Variants in VPS33B observed in about 807,000 individuals in gnomAD.
VPS33B encodes the protein VPS33B late endosome and lysosome associated.
Under a neutral mutation model 95.3 loss-of-function variants are expected in VPS33B, and 80 were observed. The ratio of observed to expected loss-of-function variants is 0.84; its 90% CI spans 0.70 to 1.01. The LOEUF (loss-of-function observed/expected upper bound fraction) is 1.01, where lower values mean the gene tolerates loss of function less well. Ranked by LOEUF, VPS33B falls within the 50% of genes least tolerant of loss-of-function variation. The probability of loss-of-function intolerance (pLI) is 0.00; values close to 1 mark genes in which losing one functional copy is unlikely to be tolerated. For missense variants in VPS33B, 715 were observed against 773.4 expected, an observed-to-expected ratio of 0.92 and a Z score of 0.90; for synonymous variants, 280 against 280.4, an observed-to-expected ratio of 1.00 and a Z score of 0.01.
chr15:91,010,896 G>A lies in VPS33B; in HGVS notation c.358-1050C>T, dbSNP rs1474864812. ...GACAACGGAGACCTGAGGGAGACTA[G>A]ATGAAACGATGAAGGTGGAGATGAG... On this transcript the variant is annotated intron_variant, in intron 5 of 22. Coordinates refer to ENST00000333371, the MANE Select transcript of VPS33B (RefSeq NM_018668.5). The surrounding 1 kb of genome is among the most constrained non-coding windows in gnomAD (Gnocchi z 5.7). 1.3e-5 allele frequency among the ~76,000 whole-genome samples: 2 copies of A among 152,200 alleles called. No homozygotes were observed. The highest frequency in any genetic ancestry group is 2.9e-5 in the Non-Finnish European group (2 of 68,044).
At chr15:91,019,103 GCTCCTGGCCTGTTTT>G (rs2041029288) in intron 1 of VPS33B, among the ~76,000 whole-genome samples, 1 of 133,962 alleles carries the variant, frequency 7.5e-6, no homozygotes, top group East Asian at 2.3e-4. Context: ...GTGAGCCACT[GCTCCTGGCCTGTTTT>G]TTTTTTTTTT....
chr15:91,017,558 G>A (rs2040977849), intron 2 of VPS33B, among the ~76,000 whole-genome samples: 1 of 151,648 alleles, frequency 6.6e-6, no homozygotes, highest in Admixed American at 6.6e-5. Flanking sequence ...AGGAGGTCAA[G>A]GCTGCAGTGA....
intron 2 of VPS33B, among the ~76,000 whole-genome samples, chr15:91,017,255 G>A (rs1442244150): frequency 6.7e-6 from 1 of 149,954 alleles, no homozygotes; most frequent in Non-Finnish European, 1.5e-5. Context: ...AGGTGTGGTG[G>A]CTCATGCCTG....
intron 3 of VPS33B, among the ~76,000 whole-genome samples, chr15:91,016,131 T>C (rs888469049): frequency 2.6e-5 from 4 of 151,954 alleles, no homozygotes; most frequent in Non-Finnish European, 5.9e-5. Flanking sequence ...CTCTGAAGGA[T>C]GGACATTCTT....
rs1310046813 is a variant in VPS33B at position 91,022,254 on chromosome 15, G to A, written c.-5C>T. 2.6e-6 allele frequency: 4 copies of A among 1,554,882 alleles called. No individual in the cohort carries two copies. The East Asian group carries it at 9.5e-5, about 37-fold the overall frequency. On this transcript the variant is annotated 5_prime_UTR_variant, in exon 1 of 23. Coordinates refer to ENST00000333371, the MANE Select transcript of VPS33B (RefSeq NM_018668.5). ...CGGCCGATGGGGAAAAGCCATGGCA[G>A]CGGTCACCTGCGCCGCGGGGTGGAA...
In VPS33B at chr15:91,017,061, G is replaced by C. The variant is rs776943496; in HGVS notation, c.178-37C>G. 1.9e-6 allele frequency: 3 copies of C among 1,606,270 alleles called. No individual in the cohort carries two copies. In the South Asian group the frequency reaches 3.3e-5, roughly 18 times the overall value. On this transcript the variant is annotated intron_variant, in intron 2 of 22. Transcript: ENST00000333371. ...ATCCAATAAGACAATGGACATAAGA[G>C]TGCCTGAAAAGCACAAAGTGTGACA...
In VPS33B at chr15:91,001,449, A is replaced by G; in HGVS notation, c.1419T>C (p.Asp473=). Residue 473 remains aspartate (D), a synonymous_variant, in exon 19 of 23, where the codon GAT becomes GAC. Transcript: ENST00000333371. Reference sequence around the variant, plus strand: ...TCCTCTTGGCCAGAGAACTGAAGGCATCAGTAATCTTTCCTGGGGAAGAAA... The same window carrying G: ...TCCTCTTGGCCAGAGAACTGAAGGCGTCAGTAATCTTTCCTGGGGAAGAAA... ...VTDKAAGKIT[D]AFSSLAKRSN... is the part of the protein sequence containing the mutation. The G allele has an allele frequency of 6.2e-7, 1 of 1,614,044 alleles. No individual in the cohort carries two copies.
chr15:91,006,902 C>T lies in VPS33B; in HGVS notation c.700+48G>A, dbSNP rs139136678. 1.2e-4 allele frequency: 191 copies of T among 1,611,682 alleles called. No homozygotes were observed. Among genetic ancestry groups the T allele is most frequent in the African/African-American group, 7.3e-4 (55 of 75,002 alleles). On this transcript the variant is annotated intron_variant, in intron 9 of 22. Transcript: ENST00000333371. This position sits in a 1 kb window ranked among gnomAD's most constrained non-coding sequence, Gnocchi z 5.4. ...TTTGCCACCACGCCTTCCATATTCCCGTGTCTTCTAGGGCTGAAAGATGAC... is the reference window on the plus strand; with the variant it reads ...TTTGCCACCACGCCTTCCATATTCCTGTGTCTTCTAGGGCTGAAAGATGAC...
At chr15:91,016,631 G>T (rs1035532307) in intron 3 of VPS33B, among the ~76,000 whole-genome samples, 2 of 152,032 alleles carry the variant, frequency 1.3e-5, no homozygotes, top group African/African-American at 4.8e-5. Context: ...AGATCCGCCC[G>T]CCTCGGCCTC....
At chr15:91,004,400 A>T (rs2040537652) in intron 16 of VPS33B, among the ~76,000 whole-genome samples, 1 of 151,984 alleles carries the variant, frequency 6.6e-6, no homozygotes, top group Non-Finnish European at 1.5e-5. Context: ...GCTACTCAGG[A>T]GGCTGAGGCA....
chr15:91,020,140 T>C (rs2041061871), intron 1 of VPS33B, among the ~76,000 whole-genome samples: 1 of 152,144 alleles, frequency 6.6e-6, no homozygotes, highest in East Asian at 1.9e-4. Flanking sequence ...AAATTAACAG[T>C]GTTAGTAGTG....
rs540640719 is a variant in VPS33B at position 91,018,013 on chromosome 15, G to A, written c.97-128C>T. On this transcript the variant is annotated intron_variant, in intron 1 of 22. Coordinates refer to ENST00000333371, the MANE Select transcript of VPS33B (RefSeq NM_018668.5). This position sits in a 1 kb window ranked among gnomAD's most constrained non-coding sequence, Gnocchi z 4.7. The stretch of plus-strand genomic sequence containing the variant: ...GAGGGCACTAAGTATCGTCTAGCCC[G>A]TCACCTTATTTATTATCTGTATCCA... The A allele has an allele frequency of 6.0e-5, 48 of 801,212 alleles. No individual in the cohort carries two copies. The highest frequency in any genetic ancestry group is 2.2e-4 in the African/African-American group (13 of 59,594). The allele number at this position is 801,212 out of a possible 1,614,324, so 49.6% of individuals were successfully genotyped here.
At chr15:91,017,951 C>T (rs2040991273) in intron 1 of VPS33B, 66 bp from the exon 2 acceptor site, 1 of 1,462,190 alleles carries the variant, frequency 6.8e-7, no homozygotes, top group South Asian at 1.1e-5. Context: ...GAGAAGTGGC[C>T]CAGCCACCCA....
Position 91,013,846 on chromosome 15 carries a change from A to G in VPS33B, c.315T>C (p.Ala105=). The change falls in exon 5 of 23, where the codon GCT becomes GCC. Residue 105 remains alanine (A), a synonymous_variant. Transcript: ENST00000333371. This position sits in a 1 kb window ranked among gnomAD's most constrained non-coding sequence, Gnocchi z 4.5. ...TCACTTTGTATTTGCGAGTTCGGCC[A>G]GCCAATTTGTCAGCATTGACAAGAC... is the stretch of plus-strand genomic sequence containing the variant. The part of the protein sequence containing the change: ...IASLVNADKL[A]GRTRKYKVIF... The G allele has an allele frequency of 6.2e-7, 1 of 1,614,164 alleles. No individual in the cohort carries two copies. The highest frequency in any genetic ancestry group is 8.5e-7 in the Non-Finnish European group (1 of 1,180,036).
At chr15:91,008,031 C>A in intron 6 of VPS33B, 67 bp from the exon 7 acceptor site, 4 of 1,477,310 alleles carry the variant, frequency 2.7e-6, no homozygotes, top group Non-Finnish European at 3.8e-6. Flanking sequence ...AGGGAAGGTC[C>A]GCCACAAATA....
rs1218276127 is a variant in VPS33B, at chr15:91,000,738, C to T, written c.1480-147G>A. 7 of 697,144 alleles carry T rather than the reference C, an allele frequency of 1.0e-5. No individual in the cohort carries two copies. The highest frequency in any genetic ancestry group is 6.1e-5 in the South Asian group (4 of 65,518). The allele number at this position is 697,144 out of a possible 1,614,324, so 43.2% of individuals were successfully genotyped here. On this transcript the variant is annotated intron_variant, in intron 19 of 22. Coordinates refer to ENST00000333371, the MANE Select transcript of VPS33B (RefSeq NM_018668.5). This position sits in a 1 kb window ranked among gnomAD's most constrained non-coding sequence, Gnocchi z 4.9. Reference sequence around the variant, plus strand: ...ATAGCCCTGAAAAGAGAATCCATAACGGAAGATGGCAGTTTTTGTTCAGTA... The same window carrying T: ...ATAGCCCTGAAAAGAGAATCCATAATGGAAGATGGCAGTTTTTGTTCAGTA...
rs1293665303 is a variant in VPS33B at position 91,011,427 on chromosome 15, A to C, written c.358-1581T>G. Among the ~76,000 whole-genome samples the C allele has an allele frequency of 6.6e-6, 1 of 152,220 alleles. No homozygotes were observed. Among genetic ancestry groups the C allele is most frequent in the Non-Finnish European group, 1.5e-5 (1 of 68,044 alleles). ...TCCTCCCTCACTCATTTCTGCCAGG[A>C]AAACTGAAATCTTCAGGCCTGCTTT... On this transcript the variant is annotated intron_variant, in intron 5 of 22. Coordinates refer to ENST00000333371, the MANE Select transcript of VPS33B (RefSeq NM_018668.5). The surrounding 1 kb of genome is among the most constrained non-coding windows in gnomAD (Gnocchi z 5.5).
chr15:91,017,397 T>G (rs377222124), intron 2 of VPS33B, among the ~76,000 whole-genome samples: 1 of 64,484 alleles, frequency 1.6e-5, no homozygotes, highest in Non-Finnish European at 2.8e-5. Flanking sequence ...TATATATATA[T>G]ATATATATAT....
In VPS33B at chr15:91,005,606, G is replaced by A. The variant is rs917977333; in HGVS notation, c.1030+88C>T. Reference sequence around the variant, plus strand: ...AGACCATATGCATCAGATGAACAGGGATCTCCTCCTCGGGAGTAATGGTCC... The same window carrying A: ...AGACCATATGCATCAGATGAACAGGAATCTCCTCCTCGGGAGTAATGGTCC... On this transcript the variant is annotated intron_variant, in intron 13 of 22. Coordinates refer to ENST00000333371, the MANE Select transcript of VPS33B (RefSeq NM_018668.5). The surrounding 1 kb of genome is among the most constrained non-coding windows in gnomAD (Gnocchi z 6.4). The A allele has an allele frequency of 1.3e-5, 20 of 1,578,710 alleles. No homozygotes were observed. The African/African-American group carries it at 1.6e-4, about 13-fold the overall frequency.
Sources: allele counts gnomAD v4.1 joint callset (sites outside exome capture counted in the v4.1 genomes callset), GRCh38; gene constraint gnomAD v4.1.1; non-coding constraint Gnocchi (gnomAD v3.1); transcripts MANE v1.5; gene names NCBI Gene and HGNC (gene_info 2026-07-23, HGNC 2026-07-21).